FAM240C: variants seen among roughly 807,000 people sequenced by gnomAD.
The protein encoded by FAM240C is family with sequence similarity 240 member C.
A neutral mutation model predicts 10.0 loss-of-function variants in FAM240C; 14 were observed. The observed-to-expected ratio is 1.40, with a 90% CI of 0.92 to 2.19. The LOEUF (loss-of-function observed/expected upper bound fraction) is 2.19, where lower values mean the gene tolerates loss of function less well. FAM240C is among the 30% of genes most tolerant of loss of function. The probability of loss-of-function intolerance (pLI) is 0.00; values close to 1 mark genes in which losing one functional copy is unlikely to be tolerated. For synonymous variants in FAM240C, 49 were observed against 44.3 expected (o/e 1.11, Z -0.42); for missense variants, 154 against 122.3 (o/e 1.26, Z -1.22).
In FAM240C at chr2:241,894,335, G is replaced by T; in HGVS notation, c.166C>A (p.Arg56Ser). 6.5e-7 allele frequency: 1 copy of T among 1,544,260 alleles called. No individual in the cohort carries two copies. ...RVRRSALNKLRVGWAEQLEGR... is the reference protein window; with the variant it reads ...RVRRSALNKLSVGWAEQLEGR... ...TCCAGCTGCTCAGCCCATCCCACGC[G>T]GAGCCTGGGGCAGGGCGATAATTTC... Residue 56 changes from arginine to serine, a missense_variant, in exon 3 of 3, where the codon CGC becomes AGC. Arg to Ser is a moderately radical substitution (Grantham distance 110). Transcript: ENST00000404031.
In FAM240C at chr2:241,894,078, C is replaced by CCCCGAGGT; in HGVS notation, c.*134_*135insACCTCGGG. ...CGTGGACCCCGAGGTGGGATTATTA[C>CCCCGAGGT]GGGGTCAGCGAGGTGCGGGCCATTT... On this transcript the variant is annotated 3_prime_UTR_variant, in exon 3 of 3. Coordinates refer to ENST00000404031, the MANE Select transcript of FAM240C (RefSeq NM_001382368.1). The CCCCGAGGT allele has an allele frequency of 2.0e-6, 2 of 1,021,472 alleles. No individual in the cohort carries two copies. Among genetic ancestry groups the CCCCGAGGT allele is most frequent in the Non-Finnish European group, 2.8e-6 (2 of 720,714 alleles). 63.3% of individuals were successfully genotyped at this position (1,021,472 alleles called of 1,614,324 possible). A position where few individuals can be genotyped will look rare whatever the true frequency, so the allele number is the denominator to read the frequency against.
chr2:241,901,939 C>T (rs910199265), upstream of FAM240C, among the ~76,000 whole-genome samples: 27 of 152,350 alleles, frequency 1.8e-4, no homozygotes, highest in Non-Finnish European at 1.6e-4. The surrounding 1 kb of genome is among the most constrained non-coding windows in gnomAD (Gnocchi z 4.9). Context: ...CCTTCCAGGC[C>T]CCTTCCTTCT....
chr2:241,897,624 A>T (rs1701885392), intron 1 of FAM240C, among the ~76,000 whole-genome samples: 1 of 152,224 alleles, frequency 6.6e-6, no homozygotes, highest in Non-Finnish European at 1.5e-5. Context: ...TCATTTTAAA[A>T]TCTAAGCAAT....
intron 1 of FAM240C, among the ~76,000 whole-genome samples, chr2:241,899,928 G>T (rs1279978771): frequency 6.6e-6 from 1 of 152,134 alleles, no homozygotes; most frequent in African/African-American, 2.4e-5. Context: ...TTAGCCGGGC[G>T]TCGTGGTGGG....
rs923114152 is a variant in FAM240C, at chr2:241,897,114, G to T, written c.161+72C>A. 8.7e-6 allele frequency: 13 copies of T among 1,496,748 alleles called. No homozygotes were observed. In the East Asian group the frequency reaches 3.2e-4, roughly 37 times the overall value. 92.7% of individuals were successfully genotyped at this position (1,496,748 alleles called of 1,614,324 possible). On this transcript the variant is annotated intron_variant, in intron 2 of 2. Coordinates refer to ENST00000404031, the MANE Select transcript of FAM240C (RefSeq NM_001382368.1). ...GGCTGTGTCAGGGCACACTGCTGGC[G>T]GGGCTGTGCCCCTGGGTGGCGAGCG...
rs141059877 is a variant in FAM240C, at chr2:241,895,797, G to A, written c.161+1389C>T. On this transcript the variant is annotated intron_variant, in intron 2 of 2. Transcript: ENST00000404031. ...GTGGACACACAGTCCCGGGGCCTGA[G>A]CCCACTCCTGGGATCTGCACCCAGG... Among the ~76,000 whole-genome samples, 535 of 151,598 alleles carry A rather than the reference G, an allele frequency of 3.5e-3. 2 individuals carry two copies. Among genetic ancestry groups the A allele is most frequent in the African/African-American group, 0.012 (507 of 41,568 alleles).
chr2:241,894,304 C>T lies in FAM240C; in HGVS notation c.197G>A (p.Arg66Lys), dbSNP rs1241988401. 6.5e-7 allele frequency: 1 copy of T among 1,549,228 alleles called. No homozygotes were observed. Among genetic ancestry groups the T allele is most frequent in the Non-Finnish European group, 8.7e-7 (1 of 1,146,506 alleles). Reference sequence around the variant, plus strand: ...CCCTGGGCCCTGCAGCATCTTGTTCCTCCCCTCCAGCTGCTCAGCCCATCC... The same window carrying T: ...CCCTGGGCCCTGCAGCATCTTGTTCTTCCCCTCCAGCTGCTCAGCCCATCC... ...RVGWAEQLEG[R>K]NKMLQGPGRC... The change falls in exon 3 of 3, where the codon AGG (arginine) becomes AAG (lysine). Residue 66 changes from arginine (R) to lysine (K), a missense_variant. Arg to Lys is a conservative substitution (Grantham distance 26). Transcript: ENST00000404031.
chr2:241,897,398 C>T (rs1357533575), intron 1 of FAM240C, 64 bp from the exon 2 acceptor site: 6 of 1,514,638 alleles, frequency 4.0e-6, no homozygotes, highest in Middle Eastern at 1.7e-4. Context: ...CGAGTTTGTG[C>T]TCCAGCACCC....
At chr2:241,896,770 T>TGGGGTGTGGGTGTG (rs1701830052) in intron 2 of FAM240C, among the ~76,000 whole-genome samples, 1 of 18,926 alleles carries the variant, frequency 5.3e-5, no homozygotes, top group Non-Finnish European at 9.5e-5. Context: ...GTGTGGGTGT[T>TGGGGTGTGGGTGTG]GGGGTGTGGG....
rs551781518 is a variant in FAM240C at position 241,900,447 on chromosome 2, C to T, written c.-78G>A. On this transcript the variant is annotated 5_prime_UTR_variant, in exon 1 of 3. Transcript: ENST00000404031. The surrounding 1 kb of genome is among the most constrained non-coding windows in gnomAD (Gnocchi z 4.5). The stretch of plus-strand genomic sequence containing the variant: ...CTCTCCGGGGTGCACGCCTGTATCT[C>T]GCCTGCCGCTCTCTGTTACATGGGC... The T allele has an allele frequency of 2.7e-5, 19 of 709,822 alleles. No individual in the cohort carries two copies. Among genetic ancestry groups the T allele is most frequent in the East Asian group, 8.1e-5 (3 of 37,126 alleles). The allele number at this position is 709,822 out of a possible 1,614,324, so 44.0% of individuals were successfully genotyped here.
chr2:241,901,148 C>T (rs1311538487), upstream of FAM240C, among the ~76,000 whole-genome samples: 1 of 152,196 alleles, frequency 6.6e-6, no homozygotes, highest in Non-Finnish European at 1.5e-5. This position sits in a 1 kb window ranked among gnomAD's most constrained non-coding sequence, Gnocchi z 4.9. Context: ...ACACGGGGGT[C>T]ACCGCGTCCG....
At position 241,897,334 on chromosome 2, in the gene FAM240C, T is replaced by C; in HGVS notation, c.13A>G (p.Asn5Asp). The change falls in exon 2 of 3, where the codon AAC becomes GAC. Residue 5 changes from asparagine (N) to aspartate (D), a missense_variant and splice_region_variant. Asn to Asp is a conservative substitution (Grantham distance 23). Coordinates refer to ENST00000404031, the MANE Select transcript of FAM240C (RefSeq NM_001382368.1). MVGK[N>D]MSKSLTLKNP... is the part of the protein sequence containing the mutation. ...TTAAGAGTGAGGCTTTTACTCATGTTCTGGAAAATAAAAAGTGGAGAAGAG... is the reference window on the plus strand; with the variant it reads ...TTAAGAGTGAGGCTTTTACTCATGTCCTGGAAAATAAAAAGTGGAGAAGAG... 2 of 1,549,292 alleles carry C rather than the reference T, an allele frequency of 1.3e-6. No individual in the cohort carries two copies. Among genetic ancestry groups the C allele is most frequent in the Non-Finnish European group, 1.7e-6 (2 of 1,146,152 alleles).
intron 2 of FAM240C, among the ~76,000 whole-genome samples, chr2:241,894,763 C>T (rs28756669): frequency 0.23 from 35,364 of 152,070 alleles, 4,549 homozygotes; most frequent in African/African-American, 0.34. Flanking sequence ...CAGGACAGGG[C>T]GGCCTCTGTG....
chr2:241,900,941 A>G (rs1000205780), upstream of FAM240C, among the ~76,000 whole-genome samples: 3 of 152,108 alleles, frequency 2.0e-5, no homozygotes, highest in African/African-American at 4.8e-5. The surrounding 1 kb of genome is among the most constrained non-coding windows in gnomAD (Gnocchi z 4.5). Context: ...GGGATCTGCC[A>G]TCTGGGACCC....
chr2:241,901,793 G>T (rs895829237), upstream of FAM240C, among the ~76,000 whole-genome samples: 2 of 152,244 alleles, frequency 1.3e-5, no homozygotes, highest in African/African-American at 4.8e-5. This position sits in a 1 kb window ranked among gnomAD's most constrained non-coding sequence, Gnocchi z 4.9. Context: ...TCTCCAGCAG[G>T]ACTGCGTTTT....
intron 2 of FAM240C, among the ~76,000 whole-genome samples, chr2:241,895,775 GAC>G (rs1393016168): frequency 1.3e-5 from 2 of 152,154 alleles, no homozygotes; most frequent in Admixed American, 6.5e-5. Context: ...AGGCAGCGTG[GAC>G]ACACAGTCCC....
At chr2:241,896,082 G>C (rs1305307889) in intron 2 of FAM240C, among the ~76,000 whole-genome samples, 1 of 152,096 alleles carries the variant, frequency 6.6e-6, no homozygotes, top group Non-Finnish European at 1.5e-5. Flanking sequence ...CCCAGGCTCT[G>C]TGGGACCGCC....
chr2:241,896,379 A>C (rs77365138), intron 2 of FAM240C, among the ~76,000 whole-genome samples: 7,891 of 152,090 alleles, frequency 0.052, 1,008 homozygotes, highest in East Asian at 0.48. Flanking sequence ...ACAAGTACAG[A>C]TACGTCACTC....
chr2:241,894,381 C>T (rs554530705), intron 2 of FAM240C, 42 bp from the exon 3 acceptor site: 492 of 1,520,226 alleles, frequency 3.2e-4, no homozygotes, highest in Non-Finnish European at 4.0e-4. Context: ...GTCAAGCTCT[C>T]GGAACTTAGT....
Sources: gnomAD v4.1 joint callset for allele counts (sites outside exome capture counted in the v4.1 genomes callset) on GRCh38, gnomAD v4.1.1 for gene constraint, Gnocchi (gnomAD v3.1) non-coding constraint, MANE v1.5 for transcripts, NCBI Gene and HGNC (gene_info 2026-07-23, HGNC 2026-07-21) for gene names.